NAA11: variants seen among roughly 807,000 people sequenced by gnomAD.
NAA11 encodes N-alpha-acetyltransferase 11, NatA catalytic subunit.
In NAA11, 15 loss-of-function variants were observed where a neutral mutation model predicts 16.1. The observed-to-expected ratio is 0.93, with a 90% CI of 0.62 to 1.44. The LOEUF is 1.44. Ranked by LOEUF, NAA11 falls within the 40% of genes most tolerant of loss-of-function variation. The probability of loss-of-function intolerance (pLI) is 0.00; values close to 1 mark genes in which losing one functional copy is unlikely to be tolerated. For missense variants in NAA11, 298 were observed against 291.3 expected (o/e 1.02, Z -0.17); for synonymous variants, 122 against 112.4 (o/e 1.09, Z -0.54).
the NAA11 span, among the ~76,000 whole-genome samples, chr4:79,179,472 A>G: frequency 1.3e-5 from 2 of 152,206 alleles, no homozygotes; most frequent in East Asian, 1.9e-4. Flanking sequence ...AAAAAGTACT[A>G]TTCTTCAAAG....
At chr4:79,198,688 CT>C in the NAA11 span, among the ~76,000 whole-genome samples, 1 of 151,940 alleles carries the variant, frequency 6.6e-6, no homozygotes, top group East Asian at 1.9e-4. Context: ...TCAATAGTAT[CT>C]TTGTCTAAAA....
intron 2 of NAA11, among the ~76,000 whole-genome samples, chr4:79,241,307 T>C (rs72869084): frequency 0.013 from 1,957 of 152,334 alleles, 46 homozygotes; most frequent in African/African-American, 0.044. Context: ...ATATAATACA[T>C]ATAACATACA....
chr4:79,157,520 TATATGTATATGCATGTATATATACAC>T, the NAA11 span, among the ~76,000 whole-genome samples: 6 of 151,808 alleles, frequency 4.0e-5, no homozygotes, highest in Non-Finnish European at 5.9e-5. Context: ...TATATATACA[TATATGTATATGCATGTATATATACAC>T]ATGTACACAT....
chr4:79,193,413 G>A, the NAA11 span, among the ~76,000 whole-genome samples: 1 of 152,172 alleles, frequency 6.6e-6, no homozygotes, highest in South Asian at 2.1e-4. Context: ...AAGGTGTAAA[G>A]GAAGGGATCC....
At chr4:79,245,217 G>A (rs12650537) in intron 2 of NAA11, 111,618 of 156,350 alleles carry the variant, frequency 0.71, 42,018 homozygotes, top group East Asian at 0.89. Context: ...TCTGGGATGC[G>A]AGGAGCCCCT....
chr4:79,179,285 G>T, the NAA11 span, among the ~76,000 whole-genome samples: 367 of 152,146 alleles, frequency 2.4e-3, 1 homozygote, highest in African/African-American at 8.3e-3. Flanking sequence ...AAGAGAGAGC[G>T]GAAATTCTAC....
At chr4:79,313,832 T>C (rs1198864601), downstream of NAA11, among the ~76,000 whole-genome samples, 1 of 152,156 alleles carries the variant, frequency 6.6e-6, no homozygotes, top group Non-Finnish European at 1.5e-5. Context: ...GATGCCCAGA[T>C]GGTGATGGGA....
intron 1 of NAA11, among the ~76,000 whole-genome samples, chr4:79,318,108 AT>A (rs1311627005): frequency 6.6e-6 from 1 of 152,190 alleles, no homozygotes; most frequent in African/African-American, 2.4e-5. Flanking sequence ...CAAAGAACCT[AT>A]TTTAAAACTA....
chr4:79,216,596 CA>C, the NAA11 span, among the ~76,000 whole-genome samples: 1,157 of 152,016 alleles, frequency 7.6e-3, 16 homozygotes, highest in African/African-American at 0.026. Context: ...CTGAATTTCC[CA>C]AAAAGTATCT....
At chr4:79,296,956 G>A (rs144281192) in intron 1 of NAA11, among the ~76,000 whole-genome samples, 44 of 152,246 alleles carry the variant, frequency 2.9e-4, no homozygotes, top group Non-Finnish European at 5.7e-4. Flanking sequence ...CTGTCATCAG[G>A]GAGGCACAGG....
At chr4:79,163,287 G>C in the NAA11 span, among the ~76,000 whole-genome samples, 3 of 152,272 alleles carry the variant, frequency 2.0e-5, no homozygotes, top group African/African-American at 7.2e-5. Context: ...TTGTACAATA[G>C]GGATTCTAAT....
At position 79,284,714 on chromosome 4, in the gene NAA11, C is replaced by CA. The variant is rs1187093342; in HGVS notation, c.*122+9290dup. 2.7e-4 allele frequency among the ~76,000 whole-genome samples: 20 copies of CA among 74,364 alleles called. 6 individuals carry two copies. Among genetic ancestry groups the CA allele is most frequent in the African/African-American group, 1.3e-3 (14 of 10,516 alleles). 48.8% of individuals were successfully genotyped at this position (74,364 alleles called of 152,430 possible). A position where few individuals can be genotyped will look rare whatever the true frequency, so the allele number is the denominator to read the frequency against. ...TGAAACCCCGTCTCTACTAAAAATA[C>CA]AAAAAAAATTAGCCGGGCGCGGTGG... On this transcript the variant is annotated intron_variant and NMD_transcript_variant, in intron 2 of 2. Transcript: ENST00000511542.
At chr4:79,252,262 C>T (rs1482893505) in intron 2 of NAA11, among the ~76,000 whole-genome samples, 1 of 151,952 alleles carries the variant, frequency 6.6e-6, no homozygotes, top group Admixed American at 6.6e-5. Flanking sequence ...TGATGGGTAC[C>T]CTAAAAGCCC....
At chr4:79,209,095 G>A in the NAA11 span, among the ~76,000 whole-genome samples, 2 of 152,150 alleles carry the variant, frequency 1.3e-5, no homozygotes, top group Admixed American at 6.6e-5. Flanking sequence ...AAATGGACAG[G>A]CTGGTGAGAA....
intron 2 of NAA11, among the ~76,000 whole-genome samples, chr4:79,252,388 G>A (rs532386662): frequency 6.6e-6 from 1 of 152,200 alleles, no homozygotes; most frequent in South Asian, 2.1e-4. Flanking sequence ...AATGCACCAG[G>A]CAGTCTTCTA....
the NAA11 span, among the ~76,000 whole-genome samples, chr4:79,169,405 G>A: frequency 1.3e-5 from 2 of 152,126 alleles, no homozygotes; most frequent in African/African-American, 4.8e-5. Context: ...TACCAAAACA[G>A]ATATATAGAT....
chr4:79,222,802 AAAAC>A (rs764356937), downstream of NAA11, among the ~76,000 whole-genome samples: 1,139 of 152,002 alleles, frequency 7.5e-3, 4 homozygotes, highest in African/African-American at 0.011. Flanking sequence ...TTACAAGAAA[AAAAC>A]AAACAACCCC....
At chr4:79,255,288 A>T (rs957761401) in intron 2 of NAA11, among the ~76,000 whole-genome samples, 2 of 152,254 alleles carry the variant, frequency 1.3e-5, no homozygotes, top group Non-Finnish European at 2.9e-5. Context: ...ATATTTTTGT[A>T]CATGTCTTTG....
At chr4:79,283,732 T>C (rs1401997734) in intron 2 of NAA11, among the ~76,000 whole-genome samples, 2 of 152,156 alleles carry the variant, frequency 1.3e-5, no homozygotes, top group African/African-American at 2.4e-5. Context: ...TCAAAATCTA[T>C]GCATATCATT....
Sources: gnomAD v4.1 joint callset for allele counts (sites outside exome capture counted in the v4.1 genomes callset) on GRCh38, gnomAD v4.1.1 for gene constraint, MANE v1.5 for transcripts, NCBI Gene and HGNC (gene_info 2026-07-23, HGNC 2026-07-21) for gene names.